MORC1: variants seen among roughly 807,000 people sequenced by gnomAD.
The protein encoded by MORC1 is MORC family CW-type zinc finger 1.
Under a neutral mutation model 134.9 loss-of-function variants are expected in MORC1, and 59 were observed. That is an observed-to-expected ratio of 0.44 (90% confidence interval 0.35 to 0.54). The LOEUF is 0.54. Ranked by LOEUF, MORC1 falls within the 20% of genes least tolerant of loss-of-function variation. MORC1 has a pLI of 0.00. For synonymous variants in MORC1, 395 were observed against 391.7 expected (o/e 1.01, Z -0.10); for missense variants, 947 against 1,134.5 (o/e 0.83, Z 2.37).
intron 23 of MORC1, among the ~76,000 whole-genome samples, chr3:108,981,017 A>ATACATGGC (rs1947702963): frequency 6.6e-6 from 1 of 152,172 alleles, no homozygotes; most frequent in Non-Finnish European, 1.5e-5. Flanking sequence ...TTTTAAAAAG[A>ATACATGGC]TACATGGCTG....
chr3:108,982,638 G>T (rs1159278336), intron 23 of MORC1, among the ~76,000 whole-genome samples: 1 of 149,726 alleles, frequency 6.7e-6, no homozygotes, highest in African/African-American at 2.5e-5. Flanking sequence ...TAAATGACGA[G>T]TTAATGGGTG....
At chr3:109,108,465 AG>A (rs1472930627) in intron 3 of MORC1, among the ~76,000 whole-genome samples, 1 of 152,156 alleles carries the variant, frequency 6.6e-6, no homozygotes, top group African/African-American at 2.4e-5. Context: ...CTCCATTTCT[AG>A]TACTACTGCC....
chr3:109,059,006 ATTTC>A (rs1412742217), intron 12 of MORC1, among the ~76,000 whole-genome samples: 2 of 152,108 alleles, frequency 1.3e-5, no homozygotes, highest in African/African-American at 2.4e-5. Flanking sequence ...TTAAATTACA[ATTTC>A]TATGACATTT....
intron 16 of MORC1, among the ~76,000 whole-genome samples, chr3:109,031,782 A>G (rs1342008861): frequency 6.6e-6 from 1 of 152,154 alleles, no homozygotes; most frequent in African/African-American, 2.4e-5. Flanking sequence ...CTCTAATTCA[A>G]TCAGGACAGT....
chr3:108,998,181 A>G (rs571561036), intron 21 of MORC1, among the ~76,000 whole-genome samples: 1 of 152,346 alleles, frequency 6.6e-6, no homozygotes, highest in East Asian at 1.9e-4. Flanking sequence ...GCCCATGCAG[A>G]TGGGCATAAC....
chr3:108,976,081 T>TA (rs1202514541), intron 24 of MORC1, among the ~76,000 whole-genome samples: 2 of 152,104 alleles, frequency 1.3e-5, no homozygotes, highest in Non-Finnish European at 2.9e-5. Flanking sequence ...AACAAACTAA[T>TA]ACACAAAAAG....
chr3:109,038,841 C>G (rs950787498), intron 14 of MORC1, among the ~76,000 whole-genome samples: 1 of 152,060 alleles, frequency 6.6e-6, no homozygotes, highest in African/African-American at 2.4e-5. Context: ...GTTACTGTAG[C>G]CTTGTAGTAT....
At chr3:109,113,070 G>A (rs914967885) in intron 2 of MORC1, among the ~76,000 whole-genome samples, 1 of 152,312 alleles carries the variant, frequency 6.6e-6, no homozygotes, top group South Asian at 2.1e-4. Context: ...AGATAAATGT[G>A]TTCTTTCAGA....
At position 109,090,901 on chromosome 3, in the gene MORC1, T is replaced by C. The variant is rs1950707429; in HGVS notation, c.689+2535A>G. 1.3e-5 allele frequency among the ~76,000 whole-genome samples: 2 copies of C among 151,854 alleles called. 1 individual carries two copies. Among genetic ancestry groups the C allele is most frequent in the Admixed American group, 1.3e-4 (2 of 15,240 alleles). On this transcript the variant is annotated intron_variant, in intron 8 of 27. Coordinates refer to ENST00000232603, the MANE Select transcript of MORC1 (RefSeq NM_014429.4). Reference sequence around the variant, plus strand: ...ATACAATAATCACCAGGAAAAGAAATGGTAAAAAATGTGTTATATTATAAA... The same window carrying C: ...ATACAATAATCACCAGGAAAAGAAACGGTAAAAAATGTGTTATATTATAAA...
chr3:109,016,629 G>A (rs931242237), intron 17 of MORC1, among the ~76,000 whole-genome samples: 2 of 152,134 alleles, frequency 1.3e-5, no homozygotes, highest in South Asian at 2.1e-4. Flanking sequence ...TTGGGAGGCC[G>A]AGGTGCGCAG....
intron 18 of MORC1, 106 bp from the exon 19 acceptor site, chr3:109,005,421 T>C: frequency 9.4e-7 from 1 of 1,059,004 alleles, no homozygotes; most frequent in Non-Finnish European, 1.3e-6. Context: ...TTATTACTAC[T>C]AAAAAGTTTT....
chr3:109,096,973 A>AAAAAAATAG (rs1239704743), intron 6 of MORC1, among the ~76,000 whole-genome samples: 3 of 152,334 alleles, frequency 2.0e-5, no homozygotes, highest in Non-Finnish European at 4.4e-5. Context: ...AACAGGAGTT[A>AAAAAAATAG]CAAAAGGATA....
At chr3:109,000,503 A>G in intron 21 of MORC1, 54 bp downstream of exon 21, 2 of 1,346,674 alleles carry the variant, frequency 1.5e-6, no homozygotes, top group East Asian at 2.3e-5. Context: ...GATCCCTCTA[A>G]TCTTTGTGAA....
At chr3:108,962,526 T>C (rs990434115) in intron 27 of MORC1, among the ~76,000 whole-genome samples, 1 of 152,076 alleles carries the variant, frequency 6.6e-6, no homozygotes, top group Non-Finnish European at 1.5e-5. Flanking sequence ...CAATCCTCCA[T>C]AAGGGTCTCA....
chr3:109,001,497 C>T (rs1405908524), intron 20 of MORC1, among the ~76,000 whole-genome samples: 1 of 152,214 alleles, frequency 6.6e-6, no homozygotes, highest in Non-Finnish European at 1.5e-5. Context: ...ATTAAGCCAA[C>T]AGACAATTTT....
intron 4 of MORC1, among the ~76,000 whole-genome samples, chr3:109,103,491 T>C (rs1052287849): frequency 6.6e-6 from 1 of 152,186 alleles, no homozygotes; most frequent in Non-Finnish European, 1.5e-5. Flanking sequence ...GGAAACTGCC[T>C]GGGGCTCTCA....
intron 9 of MORC1, among the ~76,000 whole-genome samples, chr3:109,068,451 T>A (rs1174203066): frequency 6.6e-6 from 1 of 152,218 alleles, no homozygotes; most frequent in African/African-American, 2.4e-5. Context: ...AGTGAGAACA[T>A]AAGATATTTG....
At chr3:109,025,514 T>C (rs547969736) in intron 17 of MORC1, among the ~76,000 whole-genome samples, 14 of 151,202 alleles carry the variant, frequency 9.3e-5, no homozygotes, top group Non-Finnish European at 2.1e-4. Flanking sequence ...CTGAAGTAGC[T>C]GGGATTACAG....
intron 8 of MORC1, among the ~76,000 whole-genome samples, chr3:109,080,645 T>A (rs1283162093): frequency 6.6e-6 from 1 of 152,138 alleles, no homozygotes; most frequent in African/African-American, 2.4e-5. Context: ...TAATTATAAA[T>A]TCAAGGAACT....
Sources: allele counts gnomAD v4.1 joint callset (sites outside exome capture counted in the v4.1 genomes callset), GRCh38; gene constraint gnomAD v4.1.1; transcripts MANE v1.5; gene names NCBI Gene and HGNC (gene_info 2026-07-23, HGNC 2026-07-21).